The following TRAPPC9 variants were observed in gnomAD, a reference collection of about 807,000 sequenced individuals.
TRAPPC9 encodes trafficking protein particle complex subunit 9, also known as IKK2 binding protein.
TRAPPC9 carries 83 observed loss-of-function variants against 124.0 expected under a neutral mutation model. That is an observed-to-expected ratio of 0.67 (90% CI 0.56 to 0.80). The LOEUF (loss-of-function observed/expected upper bound fraction) is 0.80. Among genes scored for constraint, TRAPPC9 ranks in the 30% least tolerant of loss-of-function variants. TRAPPC9 has a pLI of 0.00. For missense variants in TRAPPC9, 1,302 were observed against 1,508.3 expected, an observed-to-expected ratio of 0.86 and a Z score of 2.27; for synonymous variants, 638 against 617.5, an observed-to-expected ratio of 1.03 and a Z score of -0.49.
At chr8:139,917,162 A>ATTTTTTTTTTT (rs1832191450) in intron 19 of TRAPPC9, among the ~76,000 whole-genome samples, 16 of 70,932 alleles carry the variant, frequency 2.3e-4, no homozygotes, top group East Asian at 5.0e-4. Flanking sequence ...CTTCATTATT[A>ATTTTTTTTTTT]TTTTCTTTTT....
Position 140,216,161 on chromosome 8 carries a change from T to C in TRAPPC9, c.2556+5298A>G, listed in dbSNP as rs1442751183. On this transcript the variant is annotated intron_variant, in intron 17 of 22. Transcript: ENST00000438773. The surrounding 1 kb of genome is among the most constrained non-coding windows in gnomAD (Gnocchi z 4.1). ...GAGCCTCAGTTTTCTCCTTAGAGGA[T>C]AATAGCACCTACTCAAACAACTCTC... The C allele has an allele frequency of 2.6e-5, 4 of 152,194 alleles. No homozygotes were observed. Among genetic ancestry groups the C allele is most frequent in the African/African-American group, 9.6e-5 (4 of 41,458 alleles). 9.4% of individuals were successfully genotyped at this position (152,194 alleles called of 1,614,324 possible).
At chr8:140,072,458 C>A (rs1392763076) in intron 17 of TRAPPC9, among the ~76,000 whole-genome samples, 1 of 151,458 alleles carries the variant, frequency 6.6e-6, no homozygotes, top group Non-Finnish European at 1.5e-5. Flanking sequence ...GCAGAGCTTG[C>A]AGTGAGCCGA....
intron 4 of TRAPPC9, among the ~76,000 whole-genome samples, chr8:140,428,724 T>C (rs1306431364): frequency 6.6e-6 from 1 of 152,206 alleles, no homozygotes; most frequent in Non-Finnish European, 1.5e-5. Context: ...CAGAATTCAG[T>C]AGTTGTATTT....
At chr8:140,238,163 G>C (rs1193028357) in intron 16 of TRAPPC9, among the ~76,000 whole-genome samples, 1 of 152,238 alleles carries the variant, frequency 6.6e-6, no homozygotes, top group Non-Finnish European at 1.5e-5. Flanking sequence ...TGGTCCAGGA[G>C]ACGTCGGTTC....
At chr8:139,968,839 C>T (rs1005248189) in intron 19 of TRAPPC9, among the ~76,000 whole-genome samples, 2 of 152,078 alleles carry the variant, frequency 1.3e-5, no homozygotes, top group South Asian at 2.1e-4. Flanking sequence ...GTCACTGACC[C>T]GAGATTACAC....
intron 9 of TRAPPC9, among the ~76,000 whole-genome samples, chr8:140,355,599 T>C (rs1423942106): frequency 2.6e-5 from 4 of 152,200 alleles, no homozygotes; most frequent in Non-Finnish European, 4.4e-5. Context: ...ATCCTCAGGA[T>C]TCCAGCATGG....
intron 17 of TRAPPC9, among the ~76,000 whole-genome samples, chr8:140,145,719 G>GTT (rs201237776): frequency 2.0e-5 from 3 of 149,644 alleles, no homozygotes; most frequent in African/African-American, 7.4e-5. Context: ...TTTTGTTTTT[G>GTT]TTTTTTTTTA....
intron 15 of TRAPPC9, among the ~76,000 whole-genome samples, chr8:140,267,074 AG>A (rs1456002114): frequency 6.9e-6 from 1 of 145,420 alleles, no homozygotes; most frequent in African/African-American, 2.6e-5. Flanking sequence ...AAGTCAGGAA[AG>A]CGAAGATGAG....
chr8:139,760,640 C>G (rs1313045893), intron 21 of TRAPPC9, among the ~76,000 whole-genome samples: 1 of 152,244 alleles, frequency 6.6e-6, no homozygotes, highest in Non-Finnish European at 1.5e-5. Context: ...GACAGGGCTC[C>G]TCGCCTTCCA....
At chr8:140,294,163 C>G (rs961497588) in intron 11 of TRAPPC9, among the ~76,000 whole-genome samples, 4 of 152,166 alleles carry the variant, frequency 2.6e-5, no homozygotes, top group Admixed American at 2.6e-4. Context: ...CTTCACCTCT[C>G]AGGACCCCAG....
At chr8:140,445,018 C>G (rs2071190835) in intron 2 of TRAPPC9, among the ~76,000 whole-genome samples, 1 of 152,208 alleles carries the variant, frequency 6.6e-6, no homozygotes, top group African/African-American at 2.4e-5. Context: ...AGGCTACATA[C>G]TGCCAACAAC....
intron 21 of TRAPPC9, among the ~76,000 whole-genome samples, chr8:139,764,383 G>C (rs1820441049): frequency 1.3e-5 from 2 of 152,202 alleles, no homozygotes; most frequent in African/African-American, 4.8e-5. Flanking sequence ...ACCTGAAGCA[G>C]TCCAGAAAGA....
intron 21 of TRAPPC9, among the ~76,000 whole-genome samples, chr8:139,804,136 CCCA>C (rs1194159059): frequency 6.6e-5 from 7 of 106,520 alleles, no homozygotes; most frequent in Non-Finnish European, 1.4e-4. Context: ...CACACACACA[CCCA>C]CCACCACCCA....
intron 17 of TRAPPC9, among the ~76,000 whole-genome samples, chr8:140,093,287 G>A (rs2130216609): frequency 6.6e-6 from 1 of 152,312 alleles, no homozygotes; most frequent in African/African-American, 2.4e-5. Context: ...TTCTACTGGT[G>A]TTCCTTGCCT....
At position 140,259,724 on chromosome 8, in the gene TRAPPC9, C is replaced by T. The variant is rs185461967; in HGVS notation, c.2279-6795G>A. Among the ~76,000 whole-genome samples, 91 of 152,262 alleles carry T rather than the reference C, an allele frequency of 6.0e-4. 1 individual carries two copies. Among genetic ancestry groups the T allele is most frequent in the Non-Finnish European group, 1.2e-3 (81 of 68,016 alleles). On this transcript the variant is annotated intron_variant, in intron 15 of 22. Transcript: ENST00000438773. ...CAACCCTTTATCAGAGCTGTGTGGACGAAGTGATTCCTGAGAGTGTCTAAC... is the reference window on the plus strand; with the variant it reads ...CAACCCTTTATCAGAGCTGTGTGGATGAAGTGATTCCTGAGAGTGTCTAAC...
chr8:140,127,655 C>T (rs1314913897), intron 17 of TRAPPC9, among the ~76,000 whole-genome samples: 1 of 152,214 alleles, frequency 6.6e-6, no homozygotes, highest in Non-Finnish European at 1.5e-5. Context: ...AACAAAAATA[C>T]ATATTCCAGA....
intron 20 of TRAPPC9, among the ~76,000 whole-genome samples, chr8:139,888,205 C>T (rs972059194): frequency 2.8e-4 from 42 of 152,218 alleles, no homozygotes; most frequent in African/African-American, 9.4e-4. Flanking sequence ...ATGCCCTGGC[C>T]CTGAGTAAAC....
chr8:140,100,297 C>T (rs1052733351), intron 17 of TRAPPC9: 1 of 152,312 alleles, frequency 6.6e-6, no homozygotes, highest in South Asian at 2.1e-4. Context: ...CCCTACAATC[C>T]GCAGGGTACT....
Position 140,233,585 on chromosome 8 carries a change from T to TCTCTCG in TRAPPC9, c.2432-12008_2432-12003dup, listed in dbSNP as rs1451568141. On this transcript the variant is annotated intron_variant, in intron 16 of 22. Transcript: ENST00000438773. ...CACACACACACTTCCTCTCTCTCTC[T>TCTCTCG]CTCTCGCTCTCTCCCTCCCTCCCTC... Among the ~76,000 whole-genome samples, 12 of 141,156 alleles carry TCTCTCG rather than the reference T, an allele frequency of 8.5e-5. No individual in the cohort carries two copies. The East Asian group carries it at 2.5e-3, about 29-fold the overall frequency. The allele number at this position is 141,156 out of a possible 152,430, so 92.6% of individuals were successfully genotyped here.
Sources: gnomAD v4.1 joint callset for allele counts (sites outside exome capture counted in the v4.1 genomes callset) on GRCh38, gnomAD v4.1.1 for gene constraint, Gnocchi (gnomAD v3.1) non-coding constraint, MANE v1.5 for transcripts, NCBI Gene and HGNC (gene_info 2026-07-23, HGNC 2026-07-21) for gene names.